Variants in LYPLA1 observed in about 807,000 individuals in gnomAD.
The protein encoded by LYPLA1 is lysophospholipase 1, also known as acyl-protein thioesterase 1.
LYPLA1 carries 17 observed loss-of-function variants against 34.0 expected under a neutral mutation model. The ratio of observed to expected loss-of-function variants is 0.50; its 90% CI spans 0.34 to 0.75. LYPLA1 has a LOEUF of 0.75. Ranked by LOEUF, LYPLA1 falls within the 30% of genes least tolerant of loss-of-function variation. The probability of loss-of-function intolerance (pLI) is 0.01; values close to 1 mark genes in which losing one functional copy is unlikely to be tolerated. For synonymous variants in LYPLA1, 98 were observed against 100.8 expected (o/e 0.97, Z 0.17); for missense variants, 203 against 288.8 (o/e 0.70, Z 2.15).
intron 7 of LYPLA1, 37 bp from the exon 8 acceptor site, chr8:54,051,225 T>C (rs764047677): frequency 2.0e-6 from 3 of 1,538,352 alleles, no homozygotes; most frequent in Non-Finnish European, 2.6e-6. Flanking sequence ...TTTATTTTTG[T>C]AAAAGTATAG....
rs554224543 is a variant in LYPLA1, at chr8:54,075,478, A to G, written c.102-9665T>C. ...GAGACGGACGCTGAGGAGGATCCCA[A>G]CTGTCATGAGCAACACCCGAACAGA... On this transcript the variant is annotated intron_variant, in intron 2 of 8. Transcript: ENST00000316963. Among the ~76,000 whole-genome samples the G allele has an allele frequency of 1.5e-4, 23 of 152,310 alleles. No individual in the cohort carries two copies. The South Asian group carries it at 4.8e-3, about 32-fold the overall frequency.
chr8:54,078,934 T>C (rs1276974829), intron 2 of LYPLA1, among the ~76,000 whole-genome samples: 7 of 151,520 alleles, frequency 4.6e-5, no homozygotes, highest in African/African-American at 1.7e-4. Context: ...AGCTATTCAC[T>C]TGAATTTGAT....
At chr8:54,063,454 A>C in intron 3 of LYPLA1, 79 bp from the exon 4 acceptor site, 1 of 881,866 alleles carries the variant, frequency 1.1e-6, no homozygotes, top group African/African-American at 1.8e-5. Flanking sequence ...AAAAACAGAT[A>C]ATTGCTTGAG....
At chr8:54,049,835 T>C (rs7844299) in intron 8 of LYPLA1, among the ~76,000 whole-genome samples, 20,122 of 152,182 alleles carry the variant, frequency 0.13, 3,538 homozygotes, top group African/African-American at 0.41. Flanking sequence ...ATCCACTTCA[T>C]ACAATCCTTT....
chr8:54,077,951 T>C (rs2129346768), intron 2 of LYPLA1, among the ~76,000 whole-genome samples: 1 of 152,162 alleles, frequency 6.6e-6, no homozygotes, highest in Non-Finnish European at 1.5e-5. Context: ...CAGCTAAACA[T>C]TTATTTTTTA....
chr8:54,065,872 G>A, intron 2 of LYPLA1, 59 bp from the exon 3 acceptor site: 3 of 1,083,246 alleles, frequency 2.8e-6, no homozygotes, highest in Non-Finnish European at 4.3e-6. Flanking sequence ...CAGTAAGTAA[G>A]TAGCAGAAGA....
downstream of LYPLA1, chr8:54,045,721 G>C (rs950242371): frequency 6.6e-6 from 1 of 152,178 alleles, no homozygotes; most frequent in Non-Finnish European, 1.5e-5. Flanking sequence ...AAACTACTTG[G>C]ATAACTGACT....
intron 2 of LYPLA1, among the ~76,000 whole-genome samples, chr8:54,091,571 G>C (rs1809271668): frequency 7.8e-6 from 1 of 128,674 alleles, no homozygotes; most frequent in Admixed American, 8.3e-5. Context: ...AGGAAGGAAA[G>C]AAAGAAAGAA....
At chr8:54,088,272 A>G (rs544186981) in intron 2 of LYPLA1, among the ~76,000 whole-genome samples, 3 of 152,226 alleles carry the variant, frequency 2.0e-5, no homozygotes, top group Non-Finnish European at 4.4e-5. Flanking sequence ...TGCTTTTAAG[A>G]GAAGTTACTA....
At chr8:54,056,173 A>G (rs1053360608) in intron 5 of LYPLA1, among the ~76,000 whole-genome samples, 6 of 152,210 alleles carry the variant, frequency 3.9e-5, no homozygotes, top group African/African-American at 1.4e-4. Context: ...TTTTTGACAA[A>G]GGTGTCAAGA....
chr8:54,065,245 G>A (rs1563593428), intron 3 of LYPLA1, among the ~76,000 whole-genome samples: 1 of 152,102 alleles, frequency 6.6e-6, no homozygotes, highest in East Asian at 1.9e-4. Flanking sequence ...ATCACTTGAG[G>A]TCAGGCATTT....
intron 2 of LYPLA1, among the ~76,000 whole-genome samples, chr8:54,096,097 T>A (rs943484770): frequency 6.6e-6 from 1 of 152,176 alleles, no homozygotes; most frequent in African/African-American, 2.4e-5. Context: ...TACTTAAAAA[T>A]GTACACTGAA....
chr8:54,063,590 C>T (rs1339327411), intron 3 of LYPLA1, among the ~76,000 whole-genome samples: 2 of 152,194 alleles, frequency 1.3e-5, no homozygotes, highest in Non-Finnish European at 2.9e-5. Flanking sequence ...CAACAAAGGA[C>T]GAAGCTTGAC....
chr8:54,051,411 A>T (rs567479313), intron 7 of LYPLA1, among the ~76,000 whole-genome samples: 1 of 152,248 alleles, frequency 6.6e-6, no homozygotes, highest in African/African-American at 2.4e-5. Flanking sequence ...TTCCCAGTGA[A>T]TGAGTTCCTT....
At chr8:54,060,850 G>A (rs780591351) in intron 5 of LYPLA1, among the ~76,000 whole-genome samples, 2 of 151,388 alleles carry the variant, frequency 1.3e-5, no homozygotes, top group Non-Finnish European at 2.9e-5. Context: ...CCGCCACCAC[G>A]CCTGGCTAAT....
chr8:54,066,189 G>A (rs926495919), intron 2 of LYPLA1, among the ~76,000 whole-genome samples: 6 of 151,974 alleles, frequency 3.9e-5, no homozygotes, highest in South Asian at 2.1e-4. Flanking sequence ...CGCTCGCCTC[G>A]GCCTCCCAAA....
chr8:54,086,528 T>A (rs77669720), intron 2 of LYPLA1, among the ~76,000 whole-genome samples: 10,094 of 118,884 alleles, frequency 0.085, 1,707 homozygotes, highest in African/African-American at 0.33. Flanking sequence ...AGGCCATTAT[T>A]ACTCTGACAT....
At chr8:54,084,124 G>GAAAA (rs201545035) in intron 2 of LYPLA1, among the ~76,000 whole-genome samples, 1,548 of 55,944 alleles carry the variant, frequency 0.028, 13 homozygotes, top group South Asian at 0.037. Context: ...GGAGACCAAA[G>GAAAA]AAAAAAAAAA....
Position 54,047,995 on chromosome 8 carries a change from G to A in LYPLA1, c.*70C>T. 9.6e-7 allele frequency: 1 copy of A among 1,037,234 alleles called. No individual in the cohort carries two copies. The highest frequency in any genetic ancestry group is 1.5e-6 in the Non-Finnish European group (1 of 681,532). 64.3% of individuals were successfully genotyped at this position (1,037,234 alleles called of 1,614,324 possible). A position where few individuals can be genotyped will look rare whatever the true frequency, so the allele number is the denominator to read the frequency against. ...CAAAACATTAGAAATTTGAAGACTG[G>A]GCATGGGAAAAGGTTTACACTCTAC... is the stretch of plus-strand genomic sequence containing the variant. On this transcript the variant is annotated 3_prime_UTR_variant, in exon 9 of 9. Coordinates refer to ENST00000316963, the MANE Select transcript of LYPLA1 (RefSeq NM_006330.4).
Sources: allele counts gnomAD v4.1 joint callset (sites outside exome capture counted in the v4.1 genomes callset), GRCh38; gene constraint gnomAD v4.1.1; transcripts MANE v1.5; gene names NCBI Gene and HGNC (gene_info 2026-07-23, HGNC 2026-07-21).